The following SEC31A variants were observed in gnomAD, a reference collection of about 807,000 sequenced individuals.
SEC31A encodes the protein SEC31 homolog A, COPII component, also known as protein transport protein Sec31A.
In SEC31A, 70 loss-of-function variants were observed where a neutral mutation model predicts 151.0. The ratio of observed to expected loss-of-function variants is 0.46; its 90% confidence interval spans 0.38 to 0.57. The LOEUF is 0.57. SEC31A is among the 20% of genes least tolerant of loss of function. The pLI is 0.00. For synonymous variants in SEC31A, 475 were observed against 505.9 expected, an observed-to-expected ratio of 0.94 and a Z score of 0.82; for missense variants, 1,330 against 1,471.2, an observed-to-expected ratio of 0.90 and a Z score of 1.57.
chr4:82,881,768 T>C, intron 2 of SEC31A, 90 bp downstream of exon 2: 2 of 984,586 alleles, frequency 2.0e-6, no homozygotes, highest in Non-Finnish European at 3.2e-6. Flanking sequence ...AGAGAGGCTT[T>C]CTAGAGAAGA....
Position 82,878,778 on chromosome 4 carries a change from A to G in SEC31A, c.354T>C (p.Asn118=). The change falls in exon 4 of 27, where the codon AAT becomes AAC. Residue 118 remains asparagine, a synonymous_variant. Coordinates refer to ENST00000395310, the MANE Select transcript of SEC31A (RefSeq NM_001077207.4). The part of the protein sequence containing the change: ...AGDKEVVIAQ[N]DKHTGPVRAL... The stretch of plus-strand genomic sequence containing the variant: ...CTCTCACTGGGCCAGTATGCTTGTC[A>G]TTCTGGGCAATCACAACTTCCTTGT... 6.2e-7 allele frequency: 1 copy of G among 1,614,152 alleles called. No individual in the cohort carries two copies. The highest frequency in any genetic ancestry group is 8.5e-7 in the Non-Finnish European group (1 of 1,179,998).
At chr4:82,867,927 C>T (rs1321585883) in intron 8 of SEC31A, among the ~76,000 whole-genome samples, 1 of 152,236 alleles carries the variant, frequency 6.6e-6, no homozygotes, top group Non-Finnish European at 1.5e-5. Context: ...GCCACCGCAC[C>T]CGGCCTAGGG....
chr4:82,857,884 GA>G (rs1733036899), intron 14 of SEC31A, 120 bp from the exon 15 acceptor site: 1 of 612,196 alleles, frequency 1.6e-6, no homozygotes, highest in Non-Finnish European at 2.9e-6. Flanking sequence ...AGTTATTCCA[GA>G]AAAGTTCTCA....
At chr4:82,849,355 C>T (rs1730935909) in intron 19 of SEC31A, among the ~76,000 whole-genome samples, 1 of 152,140 alleles carries the variant, frequency 6.6e-6, no homozygotes, top group African/African-American at 2.4e-5. Context: ...AGGTTCACGC[C>T]TGCAATCCCA....
At chr4:82,846,077 C>T (rs1158912078) in intron 20 of SEC31A, among the ~76,000 whole-genome samples, 2 of 152,120 alleles carry the variant, frequency 1.3e-5, no homozygotes, top group Non-Finnish European at 2.9e-5. Context: ...GATCTCAGCT[C>T]ACTGCAAACT....
chr4:82,860,675 A>G (rs115712800), intron 14 of SEC31A, among the ~76,000 whole-genome samples: 1 of 151,514 alleles, frequency 6.6e-6, no homozygotes, highest in Non-Finnish European at 1.5e-5. Flanking sequence ...GGGTCTCACT[A>G]TGTTGTCCAG....
chr4:82,819,325 TA>T, intron 26 of SEC31A, 72 bp from the exon 27 acceptor site: 3 of 1,059,740 alleles, frequency 2.8e-6, no homozygotes, highest in Non-Finnish European at 3.9e-6. Context: ...CCATAAACAT[TA>T]AACCCAGATA....
At chr4:82,865,581 T>TATAC (rs1735188345) in intron 10 of SEC31A, among the ~76,000 whole-genome samples, 2 of 96,498 alleles carry the variant, frequency 2.1e-5, no homozygotes, top group Non-Finnish European at 4.7e-5. Context: ...TATATATATA[T>TATAC]ATACAATGCA....
chr4:82,853,213 AT>A (rs1438774255), intron 18 of SEC31A, among the ~76,000 whole-genome samples: 1 of 152,118 alleles, frequency 6.6e-6, no homozygotes, highest in Non-Finnish European at 1.5e-5. Flanking sequence ...GATGCCTCCT[AT>A]TCCTTTACCC....
intron 1 of SEC31A, 59 bp from the exon 2 acceptor site, chr4:82,881,999 C>G (rs1739459021): frequency 1.6e-6 from 2 of 1,271,262 alleles, no homozygotes; most frequent in Non-Finnish European, 2.3e-6. Context: ...TAACACAGAA[C>G]ACAGATATTT....
chr4:82,857,234 GACC>G lies in SEC31A; in HGVS notation c.1703-107_1703-105del. ...ATTTTTATATATATACATGAATGGAGACCACAACACTAATTTCTGATTACTAGT... is the reference window on the plus strand; with the variant it reads ...ATTTTTATATATATACATGAATGGAGACAACACTAATTTCTGATTACTAGT... On this transcript the variant is annotated intron_variant, in intron 15 of 26. Coordinates refer to ENST00000395310, the MANE Select transcript of SEC31A (RefSeq NM_001077207.4). 5.6e-6 allele frequency: 5 copies of G among 889,178 alleles called. No individual in the cohort carries two copies. The South Asian group carries it at 8.3e-5, about 15-fold the overall frequency. 55.1% of individuals were successfully genotyped at this position (889,178 alleles called of 1,614,324 possible).
At chr4:82,864,112 A>G (rs1208810537) in intron 11 of SEC31A, among the ~76,000 whole-genome samples, 1 of 152,170 alleles carries the variant, frequency 6.6e-6, no homozygotes, top group African/African-American at 2.4e-5. Flanking sequence ...GCTCTCCTCT[A>G]AACAGACCTA....
chr4:82,863,660 C>T (rs1300216385), intron 11 of SEC31A, among the ~76,000 whole-genome samples: 1 of 151,808 alleles, frequency 6.6e-6, no homozygotes, highest in Non-Finnish European at 1.5e-5. Flanking sequence ...AATTAATTAT[C>T]CTGGTTGAAT....
At chr4:82,827,706 A>C (rs1490551202) in intron 23 of SEC31A, 74 bp from the exon 24 acceptor site, 17 of 1,513,744 alleles carry the variant, frequency 1.1e-5, no homozygotes, top group Non-Finnish European at 1.5e-5. Flanking sequence ...AGCTTAAAAT[A>C]AGGGAGTTAG....
At chr4:82,857,453 C>T (rs1412123462) in intron 15 of SEC31A, among the ~76,000 whole-genome samples, 1 of 152,170 alleles carries the variant, frequency 6.6e-6, no homozygotes, top group African/African-American at 2.4e-5. Flanking sequence ...TGAGTTCTTT[C>T]TCACACTCTA....
intron 22 of SEC31A, among the ~76,000 whole-genome samples, chr4:82,835,472 G>T (rs1264817617): frequency 6.6e-6 from 1 of 152,128 alleles, no homozygotes; most frequent in Non-Finnish European, 1.5e-5. Context: ...GACTTTAAGG[G>T]CATGGAAAAA....
At chr4:82,892,331 T>C (rs969845930), upstream of SEC31A, among the ~76,000 whole-genome samples, 8 of 152,252 alleles carry the variant, frequency 5.3e-5, no homozygotes, top group African/African-American at 1.9e-4. Flanking sequence ...CGCAAGCAGC[T>C]TTCTGTTCCT....
At chr4:82,891,753 A>C (rs1440638087), upstream of SEC31A, among the ~76,000 whole-genome samples, 2 of 152,188 alleles carry the variant, frequency 1.3e-5, no homozygotes, top group Non-Finnish European at 2.9e-5. Flanking sequence ...ACCGTTTCAT[A>C]CTTGTTACTA....
Position 82,878,713 on chromosome 4 carries a change from AATGT to A in SEC31A, c.402+13_402+16del, listed in dbSNP as rs770346612. On this transcript the variant is annotated intron_variant, in intron 4 of 26. Coordinates refer to ENST00000395310, the MANE Select transcript of SEC31A (RefSeq NM_001077207.4). ...GCAGCACATAGTCTAAGAATTATGA[AATGT>A]TAAAGTCTTAACCTGGAAAATGTTC... 9 of 1,598,658 alleles carry A rather than the reference AATGT, an allele frequency of 5.6e-6. No homozygotes were observed. In the South Asian group the frequency reaches 9.9e-5, roughly 18 times the overall value.
Sources: allele counts gnomAD v4.1 joint callset (sites outside exome capture counted in the v4.1 genomes callset), GRCh38; gene constraint gnomAD v4.1.1; transcripts MANE v1.5; gene names NCBI Gene and HGNC (gene_info 2026-07-23, HGNC 2026-07-21).